GRIK2: variants seen among roughly 807,000 people sequenced by gnomAD.
The protein encoded by GRIK2 is glutamate ionotropic receptor kainate type subunit 2, also known as glutamate receptor ionotropic, kainate 2.
Under a neutral mutation model 100.3 loss-of-function variants are expected in GRIK2, and 32 were observed. The ratio of observed to expected loss-of-function variants is 0.32; its 90% CI spans 0.24 to 0.43. The LOEUF (loss-of-function observed/expected upper bound fraction) is 0.43. Ranked by LOEUF, GRIK2 falls within the 20% of genes least tolerant of loss-of-function variation. GRIK2 has a pLI of 1.00. For synonymous variants in GRIK2, 417 were observed against 389.4 expected, an observed-to-expected ratio of 1.07 and a Z score of -0.83; for missense variants, 843 against 1,114.9, an observed-to-expected ratio of 0.76 and a Z score of 3.47.
intron 2 of GRIK2, among the ~76,000 whole-genome samples, chr6:101,526,515 C>T (rs1775164330): frequency 6.6e-6 from 1 of 152,126 alleles, no homozygotes; most frequent in Admixed American, 6.5e-5. Context: ...ATTATATTCT[C>T]TCACCTTAAA....
intron 7 of GRIK2, among the ~76,000 whole-genome samples, chr6:101,690,491 C>T (rs1029316815): frequency 2.0e-5 from 3 of 152,072 alleles, no homozygotes; most frequent in African/African-American, 4.8e-5. Flanking sequence ...TAGTTATGAT[C>T]ATTCCCTGGC....
intron 4 of GRIK2, among the ~76,000 whole-genome samples, chr6:101,630,608 G>A (rs1223646931): frequency 6.6e-6 from 1 of 151,886 alleles, no homozygotes; most frequent in Non-Finnish European, 1.5e-5. Flanking sequence ...TAGGTTCTGG[G>A]TATTAGACCT....
intron 7 of GRIK2, among the ~76,000 whole-genome samples, chr6:101,794,612 C>G (rs1780160337): frequency 6.6e-6 from 1 of 150,734 alleles, no homozygotes; most frequent in Non-Finnish European, 1.5e-5. Context: ...CTTTATGGAA[C>G]TTTTCATTAA....
chr6:101,531,823 A>G (rs1230387062), intron 2 of GRIK2, among the ~76,000 whole-genome samples: 6 of 151,620 alleles, frequency 4.0e-5, no homozygotes, highest in East Asian at 2.0e-4. Context: ...TCCTTGTTCT[A>G]TCAGATTTAC....
chr6:101,621,293 A>G (rs867358921), intron 2 of GRIK2, among the ~76,000 whole-genome samples: 1 of 152,046 alleles, frequency 6.6e-6, no homozygotes, highest in Non-Finnish European at 1.5e-5. Context: ...ACTATACAAA[A>G]AATACAAAAA....
chr6:101,926,445 T>C (rs182505228), intron 13 of GRIK2, among the ~76,000 whole-genome samples: 1 of 152,286 alleles, frequency 6.6e-6, no homozygotes, highest in East Asian at 1.9e-4. Flanking sequence ...TTTAAAAGTT[T>C]CATATCTCTT....
At chr6:101,459,502 G>T (rs573586438) in intron 2 of GRIK2, among the ~76,000 whole-genome samples, 1 of 152,076 alleles carries the variant, frequency 6.6e-6, no homozygotes, top group Non-Finnish European at 1.5e-5. Flanking sequence ...CAGAAGCTAC[G>T]CATTTTTTTA....
intron 14 of GRIK2, among the ~76,000 whole-genome samples, chr6:102,022,259 A>T (rs1206790079): frequency 2.0e-5 from 3 of 151,464 alleles, no homozygotes; most frequent in Non-Finnish European, 4.4e-5. Context: ...TGAAAAAAAA[A>T]CTCCATACAC....
intron 2 of GRIK2, among the ~76,000 whole-genome samples, chr6:101,570,121 A>C (rs1777462048): frequency 6.6e-6 from 1 of 152,146 alleles, no homozygotes; most frequent in South Asian, 2.1e-4. Flanking sequence ...GTGAGAGAGC[A>C]GCCTTTGAAA....
At chr6:101,687,407 A>G (rs1298397239) in intron 7 of GRIK2, among the ~76,000 whole-genome samples, 1 of 151,966 alleles carries the variant, frequency 6.6e-6, no homozygotes, top group Non-Finnish European at 1.5e-5. Context: ...TTTAATGAGT[A>G]TTAGTCTAAA....
At chr6:101,563,448 TG>T (rs1777117751) in intron 2 of GRIK2, among the ~76,000 whole-genome samples, 2 of 152,196 alleles carry the variant, frequency 1.3e-5, no homozygotes, top group Admixed American at 6.5e-5. Context: ...TATTGTACCA[TG>T]TAGAGCATTC....
At chr6:101,965,160 GGCAACA>G in intron 14 of GRIK2, among the ~76,000 whole-genome samples, 2 of 152,094 alleles carry the variant, frequency 1.3e-5, no homozygotes, top group Non-Finnish European at 2.9e-5. Context: ...TGAACACCAA[GGCAACA>G]TAAAATTATA....
chr6:101,831,623 T>C (rs1782700738), intron 10 of GRIK2, among the ~76,000 whole-genome samples: 2 of 152,200 alleles, frequency 1.3e-5, no homozygotes, highest in South Asian at 4.1e-4. Context: ...AGTGGAATAA[T>C]ATCAATCAAC....
At chr6:101,652,519 G>A (rs1284976383) in intron 4 of GRIK2, among the ~76,000 whole-genome samples, 2 of 152,092 alleles carry the variant, frequency 1.3e-5, no homozygotes, top group East Asian at 1.9e-4. Flanking sequence ...CGGGGGCAAG[G>A]ATTTGATGAT....
chr6:101,935,699 AT>A (rs1280693978), intron 14 of GRIK2, among the ~76,000 whole-genome samples: 1 of 151,908 alleles, frequency 6.6e-6, no homozygotes, highest in Non-Finnish European at 1.5e-5. Context: ...GCCTGAGCTT[AT>A]TTTACTACCC....
chr6:101,446,145 T>C (rs943577041), intron 2 of GRIK2, among the ~76,000 whole-genome samples: 1 of 151,996 alleles, frequency 6.6e-6, no homozygotes, highest in African/African-American at 2.4e-5. Context: ...TTTTTAATAA[T>C]CCTGACTATA....
intron 15 of GRIK2, among the ~76,000 whole-genome samples, chr6:102,037,061 T>G (rs1393279088): frequency 6.6e-6 from 1 of 151,240 alleles, no homozygotes; most frequent in Non-Finnish European, 1.5e-5. Context: ...TAATATTAAA[T>G]AAATAATATT....
At chr6:101,742,433 T>C (rs1246469397) in intron 7 of GRIK2, among the ~76,000 whole-genome samples, 3 of 152,064 alleles carry the variant, frequency 2.0e-5, no homozygotes, top group Non-Finnish European at 4.4e-5. Context: ...TTGCAGAGAT[T>C]TACTCTGAGC....
intron 2 of GRIK2, among the ~76,000 whole-genome samples, chr6:101,415,955 G>A (rs1310879799): frequency 6.6e-6 from 1 of 152,206 alleles, no homozygotes; most frequent in African/African-American, 2.4e-5. Flanking sequence ...TTAGTAAAGT[G>A]TGTGGCACCT....
Sources: gnomAD v4.1 joint callset for allele counts (sites outside exome capture counted in the v4.1 genomes callset) on GRCh38, gnomAD v4.1.1 for gene constraint, MANE v1.5 for transcripts, NCBI Gene and HGNC (gene_info 2026-07-23, HGNC 2026-07-21) for gene names.